SPPL2A: variants seen among roughly 807,000 people sequenced by gnomAD.
SPPL2A encodes signal peptide peptidase-like 2A.
Under a neutral mutation model 63.8 loss-of-function variants are expected in SPPL2A, and 51 were observed. The observed-to-expected ratio is 0.80, with a 90% CI of 0.64 to 1.01. The LOEUF (loss-of-function observed/expected upper bound fraction) is 1.01, where lower values mean the gene tolerates loss of function less well. Ranked by LOEUF, SPPL2A falls within the 50% of genes least tolerant of loss-of-function variation. The pLI, the probability that SPPL2A is intolerant of heterozygous loss-of-function variation, is 0.00. For missense variants in SPPL2A, 553 were observed against 622.7 expected, an observed-to-expected ratio of 0.89 and a Z score of 1.19; for synonymous variants, 188 against 205.8, an observed-to-expected ratio of 0.91 and a Z score of 0.74.
chr15:50,750,812 C>T (rs920057173), intron 1 of SPPL2A, among the ~76,000 whole-genome samples: 2 of 152,154 alleles, frequency 1.3e-5, no homozygotes, highest in Admixed American at 6.6e-5. Context: ...ATCCTTCTCT[C>T]GTCCTCTGAG....
chr15:50,724,372 C>T (rs1287296477), intron 12 of SPPL2A, among the ~76,000 whole-genome samples: 1 of 152,002 alleles, frequency 6.6e-6, no homozygotes, highest in African/African-American at 2.4e-5. Context: ...GTCAGGAGAT[C>T]GAGACCATCC....
Position 50,739,751 on chromosome 15 carries a change from A to G in SPPL2A, c.662T>C (p.Leu221Pro). The part of the protein sequence containing the change: ...KKEEYLTFSP[L>P]TVVIFVVICC... ...GATGACCACAAATATTACAACTGTAAGAGGACTAAAAGTTAAATATTCTTC... is the reference window on the plus strand; with the variant it reads ...GATGACCACAAATATTACAACTGTAGGAGGACTAAAAGTTAAATATTCTTC... Residue 221 changes from leucine (L) to proline (P), a missense_variant, in exon 6 of 15, where the codon CTT (leucine) becomes CCT (proline). Leu to Pro is a moderately conservative substitution (Grantham distance 98). Transcript: ENST00000261854. 2 of 1,601,072 alleles carry G rather than the reference A, an allele frequency of 1.2e-6. No homozygotes were observed. The highest frequency in any genetic ancestry group is 1.7e-6 in the Non-Finnish European group (2 of 1,173,444).
At chr15:50,751,588 G>T (rs572270534) in intron 1 of SPPL2A, among the ~76,000 whole-genome samples, 1 of 152,218 alleles carries the variant, frequency 6.6e-6, no homozygotes, top group East Asian at 1.9e-4. Context: ...TGGTTAAGGT[G>T]GTAACCGCAG....
At chr15:50,711,169 G>T (rs2062553467) in intron 14 of SPPL2A, among the ~76,000 whole-genome samples, 1 of 149,146 alleles carries the variant, frequency 6.7e-6, no homozygotes. Flanking sequence ...TTGGGCTGTA[G>T]AAAATAATTT....
At position 50,714,858 on chromosome 15, in the gene SPPL2A, G is replaced by A. The variant is rs192010100; in HGVS notation, c.1488+5082C>T. Among the ~76,000 whole-genome samples the A allele has an allele frequency of 5.9e-3, 903 of 151,972 alleles. 15 individuals carry two copies. Among genetic ancestry groups the A allele is most frequent in the African/African-American group, 0.021 (866 of 41,460 alleles). ...CTTGAGAGGCTGAGGCAGGAGAATC[G>A]CTTAAACCTAGGAGGTGGAGGTTGC... On this transcript the variant is annotated intron_variant, in intron 14 of 14. Coordinates refer to ENST00000261854, the MANE Select transcript of SPPL2A (RefSeq NM_032802.4).
rs1159663713 is a variant in SPPL2A, at chr15:50,704,640, G to A, written c.*3160C>T. 4 of 151,860 alleles carry A rather than the reference G, an allele frequency of 2.6e-5. No homozygotes were observed. The highest frequency in any genetic ancestry group is 9.7e-5 in the African/African-American group (4 of 41,338). 9.4% of individuals were successfully genotyped at this position (151,860 alleles called of 1,614,324 possible). On this transcript the variant is annotated 3_prime_UTR_variant, in exon 15 of 15. Transcript: ENST00000261854. Reference sequence around the variant, plus strand: ...CCCTTAAAGTTATTGGTGGTGGGAGGGCAAGAGAGGAAGAGATGGCAGCTT... The same window carrying A: ...CCCTTAAAGTTATTGGTGGTGGGAGAGCAAGAGAGGAAGAGATGGCAGCTT...
intron 12 of SPPL2A, among the ~76,000 whole-genome samples, chr15:50,724,473 G>C (rs1307752113): frequency 1.3e-5 from 2 of 152,054 alleles, no homozygotes; most frequent in African/African-American, 4.8e-5. Context: ...AGTTACTCAG[G>C]AGGCTGAGGC....
chr15:50,718,632 T>C (rs8035635), intron 14 of SPPL2A, among the ~76,000 whole-genome samples: 61,198 of 151,932 alleles, frequency 0.4, 12,871 homozygotes, highest in East Asian at 0.57. Flanking sequence ...AGCTTTGTGA[T>C]GTAGGCAAGA....
intron 5 of SPPL2A, among the ~76,000 whole-genome samples, chr15:50,740,427 C>CAAAAAA (rs34361362): frequency 8.3e-5 from 5 of 60,070 alleles, no homozygotes; most frequent in Non-Finnish European, 1.3e-4. Flanking sequence ...AACTCCGTCT[C>CAAAAAA]AAAAAAAAAA....
chr15:50,722,709 C>A (rs915940590), intron 12 of SPPL2A, among the ~76,000 whole-genome samples: 7 of 152,134 alleles, frequency 4.6e-5, no homozygotes, highest in African/African-American at 1.7e-4. Context: ...CTGGTCTTGG[C>A]CTCCCAAAGT....
intron 1 of SPPL2A, among the ~76,000 whole-genome samples, chr15:50,765,095 G>A (rs900986500): frequency 1.3e-5 from 2 of 152,166 alleles, no homozygotes; most frequent in East Asian, 3.9e-4. Flanking sequence ...AAAGCGGTAA[G>A]AAAGGCTTAG....
intron 8 of SPPL2A, among the ~76,000 whole-genome samples, chr15:50,735,623 G>A (rs922609595): frequency 6.6e-6 from 1 of 152,024 alleles, no homozygotes; most frequent in Non-Finnish European, 1.5e-5. Context: ...GCAATGGCGC[G>A]ATCTTGGCTC....
chr15:50,724,858 T>C (rs2062673894), intron 12 of SPPL2A, among the ~76,000 whole-genome samples: 1 of 152,194 alleles, frequency 6.6e-6, no homozygotes, highest in South Asian at 2.1e-4. Context: ...CTTAAACCCC[T>C]TTTTCTAAAA....
Position 50,748,856 on chromosome 15 carries a change from C to T in SPPL2A, c.192G>A (p.Leu64=). 9 of 1,576,662 alleles carry T rather than the reference C, an allele frequency of 5.7e-6. No individual in the cohort carries two copies. Among genetic ancestry groups the T allele is most frequent in the Non-Finnish European group, 7.7e-6 (9 of 1,165,206 alleles). The change falls in exon 3 of 15, where the codon TTG becomes TTA. Residue 64 remains leucine, a synonymous_variant. Coordinates refer to ENST00000261854, the MANE Select transcript of SPPL2A (RefSeq NM_032802.4). The part of the protein sequence containing the change: ...STLENATSIS[L]MNLTSTPLCN... ...ATAGTGGTGTGGAAGTCAGATTCATCAAACTAATGGAAGTCTGAAAATAAG... is the reference window on the plus strand; with the variant it reads ...ATAGTGGTGTGGAAGTCAGATTCATTAAACTAATGGAAGTCTGAAAATAAG...
At chr15:50,708,832 G>C (rs2062534630) in intron 14 of SPPL2A, among the ~76,000 whole-genome samples, 1 of 151,832 alleles carries the variant, frequency 6.6e-6, no homozygotes, top group African/African-American at 2.4e-5. Context: ...AGGAGATCCA[G>C]ATGGTCCTGG....
At chr15:50,715,583 T>C (rs774056666) in intron 14 of SPPL2A, among the ~76,000 whole-genome samples, 2 of 138,572 alleles carry the variant, frequency 1.4e-5, no homozygotes, top group Non-Finnish European at 3.0e-5. Context: ...AGAAACTGTT[T>C]ACAGTAGCTG....
At chr15:50,735,187 T>C (rs2062760184) in intron 8 of SPPL2A, among the ~76,000 whole-genome samples, 1 of 151,932 alleles carries the variant, frequency 6.6e-6, no homozygotes. Flanking sequence ...ATTACAGGTA[T>C]GAGCCACCAT....
chr15:50,724,053 A>AT (rs1169426517), intron 12 of SPPL2A, among the ~76,000 whole-genome samples: 1 of 152,234 alleles, frequency 6.6e-6, no homozygotes, highest in African/African-American at 2.4e-5. Flanking sequence ...AAAATCAGGC[A>AT]TAAGTTTAAT....
At chr15:50,709,686 A>G (rs1463522318) in intron 14 of SPPL2A, among the ~76,000 whole-genome samples, 1 of 152,074 alleles carries the variant, frequency 6.6e-6, no homozygotes, top group Non-Finnish European at 1.5e-5. Context: ...CCTACTCGGG[A>G]GACTGAGGTG....
Sources: allele counts gnomAD v4.1 joint callset (sites outside exome capture counted in the v4.1 genomes callset), GRCh38; gene constraint gnomAD v4.1.1; transcripts MANE v1.5; gene names NCBI Gene and HGNC (gene_info 2026-07-23, HGNC 2026-07-21).